The following UBE2G1 variants were observed in gnomAD, a reference collection of about 807,000 sequenced individuals.
UBE2G1 encodes the protein ubiquitin conjugating enzyme E2 G1, also known as ubiquitin-conjugating enzyme E2 G1.
A neutral mutation model predicts 22.7 loss-of-function variants in UBE2G1; 5 were observed. That is an observed-to-expected ratio of 0.22 (90% confidence interval 0.12 to 0.46). The LOEUF is 0.46. UBE2G1 is among the 20% of genes least tolerant of loss of function. The pLI is 0.99. For missense variants in UBE2G1, 88 were observed against 203.9 expected (o/e 0.43, Z 3.46); for synonymous variants, 74 against 67.5 (o/e 1.10, Z -0.47).
chr17:4,273,594 C>T (rs1968785390), intron 5 of UBE2G1, among the ~76,000 whole-genome samples: 1 of 152,048 alleles, frequency 6.6e-6, no homozygotes, highest in African/African-American at 2.4e-5. Flanking sequence ...GCTGCCACCT[C>T]GGCCTCCCAA....
At chr17:4,324,017 C>G (rs1195532437) in intron 1 of UBE2G1, among the ~76,000 whole-genome samples, 2 of 152,128 alleles carry the variant, frequency 1.3e-5, no homozygotes, top group African/African-American at 4.8e-5. Context: ...ATATGATGCC[C>G]AAGCATCACC....
chr17:4,289,482 G>GA, intron 3 of UBE2G1, 74 bp from the exon 4 acceptor site: 3 of 1,414,760 alleles, frequency 2.1e-6, no homozygotes, highest in Non-Finnish European at 2.8e-6. Context: ...TTACAAATGT[G>GA]ATCCTGATTC....
intron 1 of UBE2G1, among the ~76,000 whole-genome samples, chr17:4,332,241 C>T (rs1342445373): frequency 1.3e-5 from 2 of 152,076 alleles, no homozygotes; most frequent in Admixed American, 6.6e-5. Flanking sequence ...AAGTCAGAGG[C>T]TATATTCTAT....
At chr17:4,352,237 A>G (rs1969853689) in intron 1 of UBE2G1, among the ~76,000 whole-genome samples, 1 of 150,944 alleles carries the variant, frequency 6.6e-6, no homozygotes, top group Admixed American at 6.6e-5. Context: ...TAATTTAAAC[A>G]TTGTTTTTCT....
intron 1 of UBE2G1, among the ~76,000 whole-genome samples, chr17:4,316,963 G>T (rs999904645): frequency 7.0e-6 from 1 of 143,718 alleles, no homozygotes; most frequent in African/African-American, 2.6e-5. Context: ...AAAAAATCAA[G>T]GCCAGGCTCG....
At chr17:4,343,833 C>T (rs558648819) in intron 1 of UBE2G1, among the ~76,000 whole-genome samples, 2 of 152,030 alleles carry the variant, frequency 1.3e-5, no homozygotes, top group South Asian at 2.1e-4. Flanking sequence ...ATGATCCGCC[C>T]GCCTCATTCT....
At chr17:4,343,809 G>C (rs911674868) in intron 1 of UBE2G1, among the ~76,000 whole-genome samples, 3 of 151,446 alleles carry the variant, frequency 2.0e-5, no homozygotes, top group Admixed American at 6.6e-5. Context: ...GGATGGTCTC[G>C]ATCTCCTGAC....
intron 5 of UBE2G1, among the ~76,000 whole-genome samples, chr17:4,276,738 A>G (rs558049331): frequency 5.9e-5 from 9 of 152,328 alleles, no homozygotes; most frequent in African/African-American, 2.2e-4. Context: ...TAGGAAACGG[A>G]TTCTGAGGCA....
At chr17:4,281,803 A>G (rs1421167692) in intron 5 of UBE2G1, among the ~76,000 whole-genome samples, 5 of 152,224 alleles carry the variant, frequency 3.3e-5, no homozygotes, top group African/African-American at 1.2e-4. Context: ...GAAAACTTCT[A>G]TAGTAACAAA....
intron 5 of UBE2G1, among the ~76,000 whole-genome samples, chr17:4,279,785 TTATATATATATATATATATA>T (rs71144177): frequency 0.1 from 7,146 of 68,856 alleles, 557 homozygotes; most frequent in African/African-American, 0.15. Context: ...CAAAAAAAAG[TTATATATATATATATATATA>T]TATATATATA....
Position 4,366,144 on chromosome 17 carries a change from G to A in UBE2G1, c.46+127C>T, listed in dbSNP as rs1970032365. 5 of 998,590 alleles carry A rather than the reference G, an allele frequency of 5.0e-6. No homozygotes were observed. In the South Asian group the frequency reaches 6.4e-5, roughly 13 times the overall value. The allele number at this position is 998,590 out of a possible 1,614,324, so 61.9% of individuals were successfully genotyped here. ...GGCCCGGCCGGGACCGGAGCCTCGA[G>A]GTCCCCACCCTCGCAGGCCCGGGCC... On this transcript the variant is annotated intron_variant, in intron 1 of 5. Transcript: ENST00000396981.
intron 2 of UBE2G1, chr17:4,302,251 C>A (rs1181392270): frequency 2.1e-5 from 10 of 469,356 alleles, no homozygotes; most frequent in Middle Eastern, 4.6e-4. Context: ...AGCTCCCACA[C>A]CCCAGTATTT....
At position 4,300,191 on chromosome 17, in the gene UBE2G1, A is replaced by G. The variant is rs548064782; in HGVS notation, c.150-3377T>C. Reference sequence around the variant, plus strand: ...GAAAGCCCAAAACCCATAGAGTAGAATAACACTGTAGACTACACATTAACA... The same window carrying G: ...GAAAGCCCAAAACCCATAGAGTAGAGTAACACTGTAGACTACACATTAACA... On this transcript the variant is annotated intron_variant, in intron 2 of 5. Coordinates refer to ENST00000396981, the MANE Select transcript of UBE2G1 (RefSeq NM_003342.5). Among the ~76,000 whole-genome samples the G allele has an allele frequency of 3.9e-5, 6 of 152,188 alleles. No homozygotes were observed. In the South Asian group the frequency reaches 1.2e-3, roughly 32 times the overall value.
At chr17:4,285,705 A>C (rs1327062629) in intron 4 of UBE2G1, among the ~76,000 whole-genome samples, 1 of 152,150 alleles carries the variant, frequency 6.6e-6, no homozygotes, top group East Asian at 1.9e-4. Context: ...TAATCCCAGC[A>C]CTTTGGGAGG....
chr17:4,286,747 TTTAAG>T (rs1268977948), intron 4 of UBE2G1, among the ~76,000 whole-genome samples: 4 of 152,072 alleles, frequency 2.6e-5, no homozygotes, highest in Non-Finnish European at 5.9e-5. Flanking sequence ...TTTACTCTTC[TTTAAG>T]ATAAAAGGGC....
At chr17:4,283,511 T>C (rs1352280776) in intron 4 of UBE2G1, among the ~76,000 whole-genome samples, 1 of 151,796 alleles carries the variant, frequency 6.6e-6, no homozygotes, top group African/African-American at 2.4e-5. Flanking sequence ...AAAAAAGACA[T>C]TCAGTTGGTA....
intron 2 of UBE2G1, among the ~76,000 whole-genome samples, chr17:4,304,539 T>C (rs1385649500): frequency 2.0e-5 from 3 of 146,494 alleles, no homozygotes; most frequent in Non-Finnish European, 3.0e-5. Flanking sequence ...GTGGCAACTA[T>C]AGGAGTCTCA....
intron 1 of UBE2G1, among the ~76,000 whole-genome samples, chr17:4,328,538 G>A (rs1386739213): frequency 6.6e-6 from 1 of 152,138 alleles, no homozygotes; most frequent in Non-Finnish European, 1.5e-5. Context: ...AGGAGAAGGC[G>A]ATAAAATAAG....
intron 5 of UBE2G1, among the ~76,000 whole-genome samples, chr17:4,277,785 G>C (rs1968838060): frequency 4.3e-5 from 1 of 23,282 alleles, no homozygotes; most frequent in Non-Finnish European, 3.6e-3. Flanking sequence ...TCACATGACT[G>C]AAAACACAAA....
Sources: gnomAD v4.1 joint callset for allele counts (sites outside exome capture counted in the v4.1 genomes callset) on GRCh38, gnomAD v4.1.1 for gene constraint, MANE v1.5 for transcripts, NCBI Gene and HGNC (gene_info 2026-07-23, HGNC 2026-07-21) for gene names.